The following SUPT3H variants were observed in gnomAD, a reference collection of about 807,000 sequenced individuals.
SUPT3H encodes transcription initiation protein SPT3 homolog.
Under a neutral mutation model 44.3 loss-of-function variants are expected in SUPT3H, and 44 were observed. The ratio of observed to expected loss-of-function variants is 0.99; its 90% CI spans 0.78 to 1.28. The LOEUF (loss-of-function observed/expected upper bound fraction) is 1.28, where lower values mean the gene tolerates loss of function less well. Among genes scored for constraint, SUPT3H ranks in the 50% most tolerant of loss-of-function variants. SUPT3H has a pLI of 0.00. For missense variants in SUPT3H, 380 were observed against 387.1 expected, an observed-to-expected ratio of 0.98 and a Z score of 0.15; for synonymous variants, 124 against 125.6, an observed-to-expected ratio of 0.99 and a Z score of 0.09.
At chr6:45,269,483 C>T (rs1432353974) in intron 2 of SUPT3H, among the ~76,000 whole-genome samples, 2 of 152,164 alleles carry the variant, frequency 1.3e-5, no homozygotes, top group Non-Finnish European at 2.9e-5. Flanking sequence ...GTCTACTAAG[C>T]TCTGAGTATT....
intron 2 of SUPT3H, among the ~76,000 whole-genome samples, chr6:45,111,416 A>G (rs1800038535): frequency 6.6e-6 from 1 of 152,084 alleles, no homozygotes; most frequent in Middle Eastern, 3.2e-3. Flanking sequence ...TATTGTTATC[A>G]GCATGACCAA....
intron 3 of SUPT3H, among the ~76,000 whole-genome samples, chr6:45,072,587 T>C (rs562357866): frequency 7.3e-4 from 111 of 152,286 alleles, no homozygotes; most frequent in African/African-American, 2.6e-3. Flanking sequence ...TTCTTTTAGA[T>C]TCAAGGCATA....
intron 10 of SUPT3H, among the ~76,000 whole-genome samples, chr6:44,838,522 G>T (rs1770336844): frequency 6.6e-6 from 1 of 151,950 alleles, no homozygotes; most frequent in Non-Finnish European, 1.5e-5. Context: ...GGGTTCAGGG[G>T]ACAAAAAAGT....
Position 44,961,797 on chromosome 6 carries a change from G to A in SUPT3H, c.536C>T (p.Ser179Leu), listed in dbSNP as rs552055325. ...RAERQTRIMDSAQYAEFCESR... is the reference protein window; with the variant it reads ...RAERQTRIMDLAQYAEFCESR... ...TTCACAGAATTCTGCATATTGAGCT[G>A]AATCCATAATTCGAGTTTGTCTTTC... The change falls in exon 7 of 11, where the codon TCA (serine) becomes TTA (leucine). Residue 179 changes from serine (S) to leucine (L), a missense_variant. Ser to Leu is a moderately radical substitution (Grantham distance 145). Coordinates refer to ENST00000371459, the MANE Select transcript of SUPT3H (RefSeq NM_003599.4). The A allele has an allele frequency of 1.9e-5, 31 of 1,604,470 alleles. No homozygotes were observed. The East Asian group carries it at 3.2e-4, about 16-fold the overall frequency.
intron 2 of SUPT3H, among the ~76,000 whole-genome samples, chr6:45,167,020 T>C (rs1351542692): frequency 2.0e-5 from 3 of 152,296 alleles, no homozygotes; most frequent in East Asian, 1.9e-4. Context: ...ATTCCACTCT[T>C]ATACATATAC....
chr6:45,110,904 TATGTA>T lies in SUPT3H; in HGVS notation c.102-4903_102-4899del, dbSNP rs201721621. Among the ~76,000 whole-genome samples the T allele has an allele frequency of 1.1e-3, 175 of 152,276 alleles. 3 individuals carry two copies. The East Asian group carries it at 0.033, about 29-fold the overall frequency. The stretch of plus-strand genomic sequence containing the variant: ...AAAATAAATACTTTTTGAGAAAGTA[TATGTA>T]ATGTGTGTACATATGTGTGTGTGTA... On this transcript the variant is annotated intron_variant, in intron 2 of 10. Coordinates refer to ENST00000371459, the MANE Select transcript of SUPT3H (RefSeq NM_003599.4).
chr6:45,163,950 T>C (rs1157129592), intron 2 of SUPT3H, among the ~76,000 whole-genome samples: 1 of 152,158 alleles, frequency 6.6e-6, no homozygotes, highest in Non-Finnish European at 1.5e-5. Flanking sequence ...TATTTGTGAA[T>C]CAGCCTACTC....
chr6:45,054,963 CA>C (rs1462125498), intron 3 of SUPT3H, among the ~76,000 whole-genome samples: 6 of 151,884 alleles, frequency 4.0e-5, no homozygotes, highest in Non-Finnish European at 8.8e-5. Flanking sequence ...CTTGCTGCCC[CA>C]GGGGTAATCA....
intron 10 of SUPT3H, among the ~76,000 whole-genome samples, chr6:44,885,146 A>C (rs1018010995): frequency 1.3e-5 from 2 of 152,228 alleles, no homozygotes; most frequent in African/African-American, 4.8e-5. Flanking sequence ...CCACAGCTCA[A>C]GGGGACCTGC....
chr6:45,174,880 TA>T (rs1404232329), intron 2 of SUPT3H, among the ~76,000 whole-genome samples: 1 of 151,836 alleles, frequency 6.6e-6, no homozygotes, highest in East Asian at 1.9e-4. Flanking sequence ...ATGATTCATC[TA>T]AAATGTCACT....
chr6:44,971,163 A>T (rs1004284616), intron 6 of SUPT3H, among the ~76,000 whole-genome samples: 1 of 152,192 alleles, frequency 6.6e-6, no homozygotes, highest in Non-Finnish European at 1.5e-5. Context: ...TTTTTATTGC[A>T]GATTAAGTCA....
intron 2 of SUPT3H, among the ~76,000 whole-genome samples, chr6:45,196,960 A>C (rs1816148814): frequency 6.6e-6 from 1 of 151,718 alleles, no homozygotes; most frequent in African/African-American, 2.4e-5. Context: ...TCCTTGGTAA[A>C]GATACATCTA....
At position 44,970,922 on chromosome 6, in the gene SUPT3H, T is replaced by G. The variant is rs993199376; in HGVS notation, c.505-9094A>C. On this transcript the variant is annotated intron_variant, in intron 6 of 10. Coordinates refer to ENST00000371459, the MANE Select transcript of SUPT3H (RefSeq NM_003599.4). The stretch of plus-strand genomic sequence containing the variant: ...TTCTCAAGTAGTCAAATATGCACAC[T>G]TTATGGAGTCTGGCTTTACTTACAT... Among the ~76,000 whole-genome samples, 7 of 152,318 alleles carry G rather than the reference T, an allele frequency of 4.6e-5. No homozygotes were observed. In the South Asian group the frequency reaches 1.5e-3, roughly 32 times the overall value.
chr6:45,164,588 T>C (rs887231016), intron 2 of SUPT3H, among the ~76,000 whole-genome samples: 3 of 152,134 alleles, frequency 2.0e-5, no homozygotes, highest in Admixed American at 6.6e-5. Flanking sequence ...AAGGTGGGTT[T>C]TTCCGCCTTT....
intron 2 of SUPT3H, among the ~76,000 whole-genome samples, chr6:45,325,262 T>C (rs1228641433): frequency 6.6e-6 from 1 of 151,690 alleles, no homozygotes; most frequent in Non-Finnish European, 1.5e-5. Context: ...AAGTCTAAAA[T>C]AATCCTTAAA....
At chr6:45,026,053 G>A (rs1483964732) in intron 3 of SUPT3H, among the ~76,000 whole-genome samples, 1 of 152,158 alleles carries the variant, frequency 6.6e-6, no homozygotes, top group Admixed American at 6.5e-5. Context: ...GAGTTGTGGT[G>A]AGCTAGTATC....
chr6:45,036,560 G>T (rs1305770431), intron 3 of SUPT3H, among the ~76,000 whole-genome samples: 1 of 152,030 alleles, frequency 6.6e-6, no homozygotes, highest in Non-Finnish European at 1.5e-5. Flanking sequence ...AAGTTACATT[G>T]CCATTTCATT....
chr6:45,229,326 G>A (rs914993856), intron 2 of SUPT3H, among the ~76,000 whole-genome samples: 8 of 151,954 alleles, frequency 5.3e-5, no homozygotes, highest in Non-Finnish European at 8.8e-5. Flanking sequence ...CTTTTTCCTA[G>A]GAGAACTACA....
intron 2 of SUPT3H, among the ~76,000 whole-genome samples, chr6:45,238,295 T>C (rs180971680): frequency 6.6e-6 from 1 of 152,308 alleles, no homozygotes; most frequent in African/African-American, 2.4e-5. Flanking sequence ...TCCTTACTCC[T>C]ACTTGGGGAC....
Sources: gnomAD v4.1 joint callset for allele counts (sites outside exome capture counted in the v4.1 genomes callset) on GRCh38, gnomAD v4.1.1 for gene constraint, MANE v1.5 for transcripts, NCBI Gene and HGNC (gene_info 2026-07-23, HGNC 2026-07-21) for gene names.